The following SLC13A1 variants were observed in gnomAD, a reference collection of about 807,000 sequenced individuals.
SLC13A1 encodes the protein Na(+)/sulfate cotransporter.
SLC13A1 carries 65 observed loss-of-function variants against 70.0 expected under a neutral mutation model. The observed-to-expected ratio is 0.93, with a 90% CI of 0.76 to 1.14. The LOEUF is 1.14. Ranked by LOEUF, SLC13A1 falls within the 50% of genes most tolerant of loss-of-function variation. SLC13A1 has a pLI of 0.00. For synonymous variants in SLC13A1, 275 were observed against 250.5 expected (o/e 1.10, Z -0.92); for missense variants, 726 against 717.8 (o/e 1.01, Z -0.13).
At chr7:123,119,311 TAAAA>T (rs374139456) in intron 12 of SLC13A1, 69 bp from the exon 13 acceptor site, 1 of 1,032,332 alleles carries the variant, frequency 9.7e-7, no homozygotes, top group Non-Finnish European at 1.4e-6. Context: ...ATAAAATCCA[TAAAA>T]AAACATTATT....
intron 1 of SLC13A1, among the ~76,000 whole-genome samples, chr7:123,198,732 G>A (rs540867426): frequency 1.3e-4 from 20 of 152,156 alleles, no homozygotes; most frequent in Non-Finnish European, 2.6e-4. Flanking sequence ...TAGTTAATAT[G>A]ATTCTATTAT....
At chr7:123,146,432 C>T (rs554173240) in intron 7 of SLC13A1, among the ~76,000 whole-genome samples, 3 of 152,072 alleles carry the variant, frequency 2.0e-5, no homozygotes, top group South Asian at 2.1e-4. Flanking sequence ...GGCTGAGGCA[C>T]GACAATCACT....
Position 123,134,492 on chromosome 7 carries a change from A to G in SLC13A1, c.850T>C (p.Trp284Arg). The G allele has an allele frequency of 5.6e-6, 9 of 1,613,500 alleles. No individual in the cohort carries two copies. The highest frequency in any genetic ancestry group is 6.8e-6 in the Non-Finnish European group (8 of 1,179,568). Residue 284 changes from tryptophan (W) to arginine (R), a missense_variant, in exon 8 of 15, where the codon TGG becomes CGG. Physicochemically the swap from Trp to Arg is moderately radical, Grantham distance 101 (BLOSUM62 -3). Coordinates refer to ENST00000194130, the MANE Select transcript of SLC13A1 (RefSeq NM_022444.4). ...PDCRCLNFGS[W>R]FTFSFPAALI... ...GCAGCTGGGAAGGAAAACGTAAACC[A>G]TGATCCAAAGTTGAGGCAACGACAG...
At position 123,134,478 on chromosome 7, in the gene SLC13A1, G is replaced by A. The variant is rs751791993; in HGVS notation, c.864C>T (p.Ser288=). ...GTAGAATGATAAGGGCAGCTGGGAA[G>A]GAAAACGTAAACCATGATCCAAAGT... ...CLNFGSWFTF[S]FPAALIILLL... Residue 288 remains serine (S), a synonymous_variant, in exon 8 of 15, where the codon TCC becomes TCT. Coordinates refer to ENST00000194130, the MANE Select transcript of SLC13A1 (RefSeq NM_022444.4). The A allele has an allele frequency of 1.5e-5, 25 of 1,613,264 alleles. No homozygotes were observed. The highest frequency in any genetic ancestry group is 1.9e-5 in the Non-Finnish European group (23 of 1,179,492).
intron 2 of SLC13A1, among the ~76,000 whole-genome samples, chr7:123,173,118 T>C (rs1795328650): frequency 1.3e-5 from 2 of 151,994 alleles, no homozygotes; most frequent in Admixed American, 1.3e-4. Flanking sequence ...AATCAAACAA[T>C]AGCTAATAGA....
At chr7:123,191,349 C>G (rs193260608) in intron 1 of SLC13A1, among the ~76,000 whole-genome samples, 9 of 152,252 alleles carry the variant, frequency 5.9e-5, no homozygotes, top group East Asian at 5.8e-4. Flanking sequence ...CATTTTCCAG[C>G]CCTTAGTTTC....
At chr7:123,192,230 A>C (rs1305991655) in intron 1 of SLC13A1, among the ~76,000 whole-genome samples, 1 of 152,168 alleles carries the variant, frequency 6.6e-6, no homozygotes, top group Non-Finnish European at 1.5e-5. Flanking sequence ...CCCAGCCCCC[A>C]GTTAAAAATA....
In SLC13A1 at chr7:123,169,394, A is replaced by G. The variant is rs1366302035; in HGVS notation, c.366-59T>C. 3.5e-6 allele frequency: 5 copies of G among 1,447,610 alleles called. No individual in the cohort carries two copies. The Admixed American group carries it at 5.3e-5, about 15-fold the overall frequency. 89.7% of individuals were successfully genotyped at this position (1,447,610 alleles called of 1,614,324 possible). A position where few individuals can be genotyped will look rare whatever the true frequency, so the allele number is the denominator to read the frequency against. ...CTCTTAGCTTAACTAGCACCGTATT[A>G]TTTAACTGGAAGATGTTTAAGATGT... On this transcript the variant is annotated intron_variant, in intron 3 of 14. Transcript: ENST00000194130.
intron 1 of SLC13A1, chr7:123,186,657 T>A (rs1795811853): frequency 2.2e-6 from 1 of 445,834 alleles, no homozygotes; most frequent in Non-Finnish European, 4.5e-6. Context: ...CAGTTGTCAA[T>A]TAAGAGTATG....
At chr7:123,161,319 T>G (rs10226987) in intron 6 of SLC13A1, among the ~76,000 whole-genome samples, 1 of 150,890 alleles carries the variant, frequency 6.6e-6, no homozygotes, top group Non-Finnish European at 1.5e-5. Context: ...ACAAGAAAAA[T>G]GTTAGAAATA....
chr7:123,189,912 T>A (rs1317784716), intron 1 of SLC13A1, among the ~76,000 whole-genome samples: 1 of 152,088 alleles, frequency 6.6e-6, no homozygotes, highest in Admixed American at 6.5e-5. Flanking sequence ...ACAAATGCAT[T>A]TGAGAGCTCA....
intron 6 of SLC13A1, among the ~76,000 whole-genome samples, chr7:123,152,638 G>T (rs1355284453): frequency 6.6e-6 from 1 of 152,050 alleles, no homozygotes; most frequent in Admixed American, 6.6e-5. Flanking sequence ...ATGGCATTTA[G>T]CATGGCAGAG....
At chr7:123,119,533 A>G (rs1213411699) in intron 12 of SLC13A1, among the ~76,000 whole-genome samples, 2 of 151,974 alleles carry the variant, frequency 1.3e-5, no homozygotes, top group Admixed American at 1.3e-4. Flanking sequence ...ATTTTAATAG[A>G]TCATATAGAG....
intron 6 of SLC13A1, among the ~76,000 whole-genome samples, chr7:123,150,141 A>G (rs933718769): frequency 1.3e-5 from 2 of 152,116 alleles, no homozygotes; most frequent in Non-Finnish European, 2.9e-5. Context: ...GTGTTTGCAT[A>G]ACCAAATTAC....
intron 6 of SLC13A1, among the ~76,000 whole-genome samples, chr7:123,163,506 T>A (rs1170488367): frequency 6.6e-6 from 1 of 152,114 alleles, no homozygotes; most frequent in East Asian, 1.9e-4. Context: ...CCTGGACTAC[T>A]AAATATCCAT....
chr7:123,126,354 T>G (rs2116295547), intron 10 of SLC13A1, among the ~76,000 whole-genome samples: 1 of 152,302 alleles, frequency 6.6e-6, no homozygotes. Flanking sequence ...CAGGAACAGA[T>G]GGGGTCTTAG....
intron 8 of SLC13A1, among the ~76,000 whole-genome samples, chr7:123,132,434 C>T (rs947181313): frequency 1.3e-5 from 2 of 152,028 alleles, no homozygotes; most frequent in Admixed American, 6.6e-5. Context: ...TGCAATGGTG[C>T]GATCTCGGCT....
rs769271626 is a variant in SLC13A1 at position 123,117,581 on chromosome 7, A to G, written c.1540T>C (p.Tyr514His). The G allele has an allele frequency of 2.5e-6, 4 of 1,611,070 alleles. No homozygotes were observed. Among genetic ancestry groups the G allele is most frequent in the Non-Finnish European group, 3.4e-6 (4 of 1,177,866 alleles). Residue 514 changes from tyrosine to histidine, a missense_variant, in exon 14 of 15, where the codon TAT becomes CAT. Tyr to His is a moderately conservative substitution (Grantham distance 83). Coordinates refer to ENST00000194130, the MANE Select transcript of SLC13A1 (RefSeq NM_022444.4). Reference sequence around the variant, plus strand: ...CACAGAGTAGAAGGTATCAGAATATAAAGAGGGTTCACATGAATGGCTTCG... The same window carrying G: ...CACAGAGTAGAAGGTATCAGAATATGAAGAGGGTTCACATGAATGGCTTCG... ...LAEAIHVNPLYILIPSTLCTS... is the reference protein window; with the variant it reads ...LAEAIHVNPLHILIPSTLCTS...
intron 1 of SLC13A1, among the ~76,000 whole-genome samples, chr7:123,189,677 A>C (rs1401201981): frequency 6.6e-6 from 1 of 152,038 alleles, no homozygotes; most frequent in African/African-American, 2.4e-5. Context: ...GTGTCTATTA[A>C]ATTTCTTCTA....
Sources: gnomAD v4.1 joint callset for allele counts (sites outside exome capture counted in the v4.1 genomes callset) on GRCh38, gnomAD v4.1.1 for gene constraint, MANE v1.5 for transcripts, NCBI Gene and HGNC (gene_info 2026-07-23, HGNC 2026-07-21) for gene names.